Variants in HK1 observed in about 807,000 individuals in gnomAD.
The protein encoded by HK1 is hexokinase-1.
HK1 carries 28 observed loss-of-function variants against 91.6 expected under a neutral mutation model. That is an observed-to-expected ratio of 0.31 (90% CI 0.23 to 0.42). The LOEUF (loss-of-function observed/expected upper bound fraction) is 0.42. Ranked by LOEUF, HK1 falls within the 10% of genes least tolerant of loss-of-function variation. The probability of loss-of-function intolerance (pLI) is 1.00; values close to 1 mark genes in which losing one functional copy is unlikely to be tolerated. For synonymous variants in HK1, 430 were observed against 468.1 expected, an observed-to-expected ratio of 0.92 and a Z score of 1.05; for missense variants, 770 against 1,219.8, an observed-to-expected ratio of 0.63 and a Z score of 5.49.
intron 1 of HK1, among the ~76,000 whole-genome samples, chr10:69,278,115 G>C (rs1844558946): frequency 6.6e-6 from 1 of 152,196 alleles, no homozygotes; most frequent in Non-Finnish European, 1.5e-5. Flanking sequence ...CTGATGGTAG[G>C]GTTAGGACTG....
At chr10:69,305,304 T>C (rs939890989) in intron 5 of HK1, among the ~76,000 whole-genome samples, 1 of 152,142 alleles carries the variant, frequency 6.6e-6, no homozygotes, top group Non-Finnish European at 1.5e-5. Context: ...TGCATCCGAC[T>C]ATAGGGGAGG....
chr10:69,317,484 T>G (rs748584728), upstream of HK1, among the ~76,000 whole-genome samples: 28 of 152,158 alleles, frequency 1.8e-4, no homozygotes, highest in Admixed American at 1.8e-3. Flanking sequence ...TCCCTCTGAT[T>G]TGACTGTACC....
At chr10:69,316,001 C>G (rs1355591520), upstream of HK1, 3 of 1,614,028 alleles carry the variant, frequency 1.9e-6, no homozygotes, top group East Asian at 6.7e-5. Context: ...GGTGCTGAGG[C>G]CTGGGAGATT....
At chr10:69,328,848 CT>C (rs554207236) in intron 1 of HK1, among the ~76,000 whole-genome samples, 2 of 150,268 alleles carry the variant, frequency 1.3e-5, no homozygotes, top group African/African-American at 4.9e-5. Flanking sequence ...CTTTTTTTTT[CT>C]TTTTTTTTAA....
At chr10:69,335,241 C>T (rs548691399) in intron 1 of HK1, among the ~76,000 whole-genome samples, 7 of 152,302 alleles carry the variant, frequency 4.6e-5, no homozygotes, top group Admixed American at 1.3e-4. Flanking sequence ...GGCTGCTGGG[C>T]GGGCACAGAC....
intron 1 of HK1, among the ~76,000 whole-genome samples, chr10:69,280,376 C>G (rs1844682403): frequency 6.6e-6 from 1 of 152,226 alleles, no homozygotes; most frequent in Admixed American, 6.5e-5. Context: ...CTCGGCCTCC[C>G]AAAGTGCTGG....
At chr10:69,338,823 G>C in intron 1 of HK1, 105 of 590,182 alleles carry the variant, frequency 1.8e-4, no homozygotes, top group Non-Finnish European at 2.3e-4. Flanking sequence ...GGAAGGAGGA[G>C]AGTAAAGATC....
intron 2 of HK1, among the ~76,000 whole-genome samples, chr10:69,350,181 C>G (rs76409647): frequency 0.05 from 7,667 of 152,260 alleles, 221 homozygotes; most frequent in African/African-American, 0.082. Context: ...CTGAACCAAT[C>G]ACGATGGACA....
In HK1 at chr10:69,392,345, G is replaced by A. The variant is rs200859487; in HGVS notation, c.2219+37G>A. 3.0e-5 allele frequency: 49 copies of A among 1,609,642 alleles called. No individual in the cohort carries two copies. The East Asian group carries it at 1.1e-3, about 35-fold the overall frequency. ...TGGTGGAGAGGACACTCACAGTCAG[G>A]GTGGGGGCAGCACTTGGCTGCATTC... On this transcript the variant is annotated intron_variant, in intron 15 of 17. Transcript: ENST00000359426.
chr10:69,341,415 C>T (rs935355312), intron 1 of HK1, among the ~76,000 whole-genome samples: 1 of 151,922 alleles, frequency 6.6e-6, no homozygotes, highest in South Asian at 2.1e-4. Flanking sequence ...CCTGCCTTAG[C>T]CTCCCAAAGT....
intron 5 of HK1, chr10:69,300,923 A>C (rs1438926789): frequency 5.7e-6 from 5 of 883,310 alleles, no homozygotes; most frequent in Non-Finnish European, 9.3e-6. Flanking sequence ...AATTTCAGCA[A>C]GGTTATAGGA....
intron 1 of HK1, among the ~76,000 whole-genome samples, chr10:69,340,915 T>C (rs1254386796): frequency 6.6e-6 from 1 of 151,898 alleles, no homozygotes; most frequent in African/African-American, 2.4e-5. Context: ...AAAACCACCC[T>C]CCCTCCCCTT....
At chr10:69,295,795 C>T (rs1255515228) in intron 4 of HK1, 3 of 748,138 alleles carry the variant, frequency 4.0e-6, no homozygotes, top group African/African-American at 3.4e-5. Context: ...TGTGCAGTGG[C>T]TTCTCCAGGG....
intron 1 of HK1, among the ~76,000 whole-genome samples, chr10:69,320,036 G>A (rs1846915131): frequency 6.6e-6 from 1 of 152,192 alleles, no homozygotes; most frequent in South Asian, 2.1e-4. Flanking sequence ...CAGGTGAAAG[G>A]CAGGAGTGAC....
chr10:69,395,967 T>C (rs1294149693), intron 16 of HK1, among the ~76,000 whole-genome samples: 4 of 152,170 alleles, frequency 2.6e-5, no homozygotes, highest in African/African-American at 9.7e-5. Context: ...ATGGTCATAA[T>C]AACCTAACGT....
rs1225593845 is a variant in HK1 at position 69,276,702 on chromosome 10, G to T, written c.-390-5827G>T. Among the ~76,000 whole-genome samples, 4 of 150,430 alleles carry T rather than the reference G, an allele frequency of 2.7e-5. No individual in the cohort carries two copies. In the East Asian group the frequency reaches 7.8e-4, roughly 29 times the overall value. ...TAATTTTAAGATATTAATTTTAAAT[G>T]ATTAAAATTATTTAATTATTAATTA... On this transcript the variant is annotated intron_variant, in intron 1 of 21. Transcript: ENST00000360289.
intron 5 of HK1, among the ~76,000 whole-genome samples, chr10:69,307,266 G>C (rs1375520670): frequency 6.6e-6 from 1 of 152,118 alleles, no homozygotes; most frequent in Non-Finnish European, 1.5e-5. Flanking sequence ...ACCCAAGCCA[G>C]AAGTCTCCAC....
At chr10:69,294,856 C>T (rs1350647927) in intron 3 of HK1, among the ~76,000 whole-genome samples, 1 of 150,882 alleles carries the variant, frequency 6.6e-6, no homozygotes, top group East Asian at 1.9e-4. Context: ...AGCGAGACTC[C>T]ATCTCAATAA....
At chr10:69,282,070 C>T (rs1337169105) in intron 1 of HK1, among the ~76,000 whole-genome samples, 1 of 152,202 alleles carries the variant, frequency 6.6e-6, no homozygotes, top group African/African-American at 2.4e-5. Context: ...GACCTAAGTA[C>T]AACACCCAGC....
Sources: allele counts gnomAD v4.1 joint callset (sites outside exome capture counted in the v4.1 genomes callset), GRCh38; gene constraint gnomAD v4.1.1; transcripts MANE v1.5; gene names NCBI Gene and HGNC (gene_info 2026-07-23, HGNC 2026-07-21).